ELOVL7: variants seen among roughly 807,000 people sequenced by gnomAD.
The protein encoded by ELOVL7 is ELOVL fatty acid elongase 7, also known as very long chain fatty acid elongase 7.
In ELOVL7, 27 loss-of-function variants were observed where a neutral mutation model predicts 35.7. The ratio of observed to expected loss-of-function variants is 0.76; its 90% CI spans 0.56 to 1.04. The LOEUF is 1.04. Ranked by LOEUF, ELOVL7 falls within the 50% of genes least tolerant of loss-of-function variation. The pLI is 0.00. For missense variants in ELOVL7, 327 were observed against 340.8 expected, an observed-to-expected ratio of 0.96 and a Z score of 0.32; for synonymous variants, 113 against 114.6, an observed-to-expected ratio of 0.99 and a Z score of 0.09.
At chr5:60,807,992 CAAAAAAAAAAAAAAAAAA>C (rs34086506) in intron 1 of ELOVL7, among the ~76,000 whole-genome samples, 45 of 42,426 alleles carry the variant, frequency 1.1e-3, no homozygotes, top group African/African-American at 3.5e-3. Context: ...GACTCCGTCT[CAAAAAAAAAAAAAAAAAA>C]AAAAAAAAAA....
At chr5:60,789,009 A>C (rs1283108248) in intron 2 of ELOVL7, among the ~76,000 whole-genome samples, 1 of 152,196 alleles carries the variant, frequency 6.6e-6, no homozygotes, top group Non-Finnish European at 1.5e-5. Flanking sequence ...AAAAAGGTTC[A>C]ATCCAAGTGT....
chr5:60,755,611 C>A (rs978053440), intron 8 of ELOVL7, among the ~76,000 whole-genome samples: 1 of 151,946 alleles, frequency 6.6e-6, no homozygotes, highest in African/African-American at 2.4e-5. Flanking sequence ...GAGCCGAGAT[C>A]GTGCCACTGC....
At position 60,754,498 on chromosome 5, in the gene ELOVL7, A is replaced by C; in HGVS notation, c.*126T>G. 8.4e-6 allele frequency: 7 copies of C among 828,810 alleles called. No individual in the cohort carries two copies. The highest frequency in any genetic ancestry group is 1.3e-5 in the Non-Finnish European group (7 of 533,494). 51.3% of individuals were successfully genotyped at this position (828,810 alleles called of 1,614,324 possible). On this transcript the variant is annotated 3_prime_UTR_variant, in exon 9 of 9. Transcript: ENST00000508821. ...GGGCTCTCAAATATCAGACATCCCA[A>C]TAACTTACCATAAAAATACAAGCTC...
Position 60,777,393 on chromosome 5 carries a change from T to A in ELOVL7, c.65-5300A>T, listed in dbSNP as rs535776555. Among the ~76,000 whole-genome samples, 26 of 151,468 alleles carry A rather than the reference T, an allele frequency of 1.7e-4. No individual in the cohort carries two copies. The South Asian group carries it at 2.1e-3, about 12-fold the overall frequency. On this transcript the variant is annotated intron_variant, in intron 3 of 8. Coordinates refer to ENST00000508821, the MANE Select transcript of ELOVL7 (RefSeq NM_024930.3). The stretch of plus-strand genomic sequence containing the variant: ...TTACCCGCAAAAATTAAAAAAAAAA[T>A]TTTTAAAAGAAAAATACTCAGATCT...
chr5:60,829,103 G>A (rs914768421), intron 1 of ELOVL7, among the ~76,000 whole-genome samples: 13 of 151,846 alleles, frequency 8.6e-5, no homozygotes, highest in Non-Finnish European at 1.5e-4. Context: ...TCTATAATAA[G>A]AGTTTTTTAA....
At chr5:60,756,115 G>A (rs1172848032) in intron 8 of ELOVL7, among the ~76,000 whole-genome samples, 4 of 142,284 alleles carry the variant, frequency 2.8e-5, no homozygotes, top group Non-Finnish European at 4.4e-5. Flanking sequence ...CTATGCATGT[G>A]TATGTTTGTG....
intron 6 of ELOVL7, among the ~76,000 whole-genome samples, chr5:60,765,583 T>A (rs1278013480): frequency 1.3e-5 from 2 of 152,122 alleles, no homozygotes; most frequent in African/African-American, 4.8e-5. Flanking sequence ...ATTAGCATCA[T>A]CTGAGAACTT....
intron 1 of ELOVL7, among the ~76,000 whole-genome samples, chr5:60,831,087 T>C (rs537735927): frequency 5.2e-4 from 79 of 152,348 alleles, no homozygotes; most frequent in Non-Finnish European, 1.0e-3. Flanking sequence ...GAATGAATAC[T>C]GATTTAACAT....
intron 1 of ELOVL7, among the ~76,000 whole-genome samples, chr5:60,807,725 C>G (rs1173783425): frequency 6.6e-6 from 1 of 151,916 alleles, no homozygotes; most frequent in Non-Finnish European, 1.5e-5. Flanking sequence ...TGGGGCCGGG[C>G]GCGGTGGTTC....
rs181325545 is a variant in ELOVL7 at position 60,757,394 on chromosome 5, G to A, written c.636+115C>T. ...ATGGCATATCATGTAGGGGCCAGAC[G>A]CTCTACCCCTATTGTTTTGTCTTTC... On this transcript the variant is annotated intron_variant, in intron 8 of 8. Transcript: ENST00000508821. The A allele has an allele frequency of 3.3e-4, 342 of 1,050,598 alleles. 2 individuals carry two copies. The East Asian group carries it at 7.5e-3, about 23-fold the overall frequency. 65.1% of individuals were successfully genotyped at this position (1,050,598 alleles called of 1,614,324 possible).
chr5:60,759,826 C>T (rs1010381189), intron 7 of ELOVL7, among the ~76,000 whole-genome samples: 2 of 151,332 alleles, frequency 1.3e-5, no homozygotes, highest in Non-Finnish European at 2.9e-5. Context: ...GTGTGATGTT[C>T]CCCCTCCTGT....
At chr5:60,843,250 G>A (rs1747287723) in intron 1 of ELOVL7, among the ~76,000 whole-genome samples, 1 of 152,092 alleles carries the variant, frequency 6.6e-6, no homozygotes, top group African/African-American at 2.4e-5. Context: ...GTAAAGACCC[G>A]CTCCTTCCCG....
chr5:60,841,018 C>T (rs1274817154), intron 1 of ELOVL7, among the ~76,000 whole-genome samples: 1 of 140,206 alleles, frequency 7.1e-6, no homozygotes, highest in East Asian at 2.0e-4. Context: ...AAAAAAATTA[C>T]TTTCCTTTTT....
intron 1 of ELOVL7, among the ~76,000 whole-genome samples, chr5:60,837,015 T>C (rs1746835171): frequency 6.6e-6 from 1 of 151,906 alleles, no homozygotes; most frequent in Non-Finnish European, 1.5e-5. Flanking sequence ...GTTTAAATCC[T>C]GGCTGCATAC....
At chr5:60,802,061 CATATATATATATATATATAT>C (rs59849955) in intron 1 of ELOVL7, among the ~76,000 whole-genome samples, 67 of 77,356 alleles carry the variant, frequency 8.7e-4, no homozygotes, top group South Asian at 6.6e-3. Context: ...AATAAACTCT[CATATATATATATATATATAT>C]ATATATATAT....
chr5:60,781,705 A>T (rs1743267438), intron 3 of ELOVL7, among the ~76,000 whole-genome samples: 1 of 152,256 alleles, frequency 6.6e-6, no homozygotes, highest in African/African-American at 2.4e-5. Flanking sequence ...CTTCAAAGCA[A>T]ATAATAAAAC....
chr5:60,794,915 A>ACCTT (rs1165215916), intron 2 of ELOVL7, among the ~76,000 whole-genome samples: 1 of 152,160 alleles, frequency 6.6e-6, no homozygotes, highest in African/African-American at 2.4e-5. Context: ...CCAAATGCTA[A>ACCTT]CCTTCCTATG....
At chr5:60,821,447 C>T (rs1264779560) in intron 1 of ELOVL7, among the ~76,000 whole-genome samples, 1 of 152,232 alleles carries the variant, frequency 6.6e-6, no homozygotes, top group Non-Finnish European at 1.5e-5. Context: ...ACTCAGCAAG[C>T]CCAAGTGCTC....
chr5:60,780,120 T>C (rs1743149372), intron 3 of ELOVL7, among the ~76,000 whole-genome samples: 1 of 150,026 alleles, frequency 6.7e-6, no homozygotes. Flanking sequence ...TTCCCTTTTT[T>C]TTTTTTTTTT....
Sources: gnomAD v4.1 joint callset for allele counts (sites outside exome capture counted in the v4.1 genomes callset) on GRCh38, gnomAD v4.1.1 for gene constraint, MANE v1.5 for transcripts, NCBI Gene and HGNC (gene_info 2026-07-23, HGNC 2026-07-21) for gene names.